MYBBP1A: variants seen among roughly 807,000 people sequenced by gnomAD.
The protein encoded by MYBBP1A is MYB binding protein 1a, also known as myb-binding protein 1A.
MYBBP1A carries 147 observed loss-of-function variants against 136.3 expected under a neutral mutation model. The ratio of observed to expected loss-of-function variants is 1.08; its 90% confidence interval spans 0.94 to 1.24. The LOEUF (loss-of-function observed/expected upper bound fraction) is 1.24. MYBBP1A is among the 50% of genes most tolerant of loss of function. MYBBP1A has a pLI of 0.00. For missense variants in MYBBP1A, 2,060 were observed against 1,727.4 expected (o/e 1.19, Z -3.41); for synonymous variants, 947 against 735.8 (o/e 1.29, Z -4.65).
At chr17:4,550,535 G>T (rs1466213499) in intron 8 of MYBBP1A, among the ~76,000 whole-genome samples, 182 bp from the exon 9 acceptor site, 1 of 152,274 alleles carries the variant, frequency 6.6e-6, no homozygotes, top group Non-Finnish European at 1.5e-5. Context: ...ATCTCCTGTT[G>T]TACACAGCTA....
At chr17:4,540,517 C>T (rs1459782803) in intron 24 of MYBBP1A, 33 bp from the exon 25 acceptor site, 2 of 1,578,526 alleles carry the variant, frequency 1.3e-6, no homozygotes, top group Non-Finnish European at 1.7e-6. Flanking sequence ...GCTGTGGGGC[C>T]ACAGAGGGCG....
Position 4,548,028 on chromosome 17 carries a change from G to GC in MYBBP1A, c.1753dup (p.Ala585GlyfsTer31). On this transcript the variant is annotated frameshift_variant, in exon 13 of 26. Transcript: ENST00000254718. LOFTEE classifies it high-confidence loss of function. The surrounding 1 kb of genome is among the most constrained non-coding windows in gnomAD (Gnocchi z 4.2). ...AGCAGCCCTGGCCTCTGCGGAGTGG[G>GC]CCTCCAGCTCCTTCAGAGTCTGCAG... 6.4e-7 allele frequency: 1 copy of GC among 1,553,996 alleles called. No individual in the cohort carries two copies. The highest frequency in any genetic ancestry group is 8.7e-7 in the Non-Finnish European group (1 of 1,149,440).
intron 24 of MYBBP1A, 97 bp downstream of exon 24, chr17:4,541,366 C>G: frequency 9.3e-7 from 1 of 1,079,000 alleles, no homozygotes. Context: ...TGACCCCCAT[C>G]CCTGCAGTCC....
intron 13 of MYBBP1A, among the ~76,000 whole-genome samples, chr17:4,547,131 G>A (rs939791285): frequency 6.6e-6 from 1 of 152,082 alleles, no homozygotes; most frequent in Non-Finnish European, 1.5e-5. Context: ...GGCTGGTCTT[G>A]AACTCCTGAC....
Position 4,548,385 on chromosome 17 carries a change from GC to G in MYBBP1A, c.1557-76del. ...GCCGCCTCCCTCCGCCCTCCCCAGG[GC>G]TCGGTCTCCCGCCTCTCCAGGACCT... On this transcript the variant is annotated intron_variant, in intron 11 of 25. Transcript: ENST00000254718. This position sits in a 1 kb window ranked among gnomAD's most constrained non-coding sequence, Gnocchi z 4.2. 2 of 1,601,884 alleles carry G rather than the reference GC, an allele frequency of 1.2e-6. No individual in the cohort carries two copies. Among genetic ancestry groups the G allele is most frequent in the Non-Finnish European group, 1.7e-6 (2 of 1,173,162 alleles).
chr17:4,540,310 C>A (rs1184954581), intron 25 of MYBBP1A, 38 bp downstream of exon 25: 13 of 1,567,730 alleles, frequency 8.3e-6, no homozygotes, highest in African/African-American at 1.3e-5. Context: ...GTGTTCCCAG[C>A]CCCTACCCAA....
At chr17:4,551,120 T>G (rs1486798282) in intron 8 of MYBBP1A, among the ~76,000 whole-genome samples, 2 of 152,252 alleles carry the variant, frequency 1.3e-5, no homozygotes, top group African/African-American at 4.8e-5. Context: ...TAACTGGGAC[T>G]ACAGGTGTGC....
Position 4,539,859 on chromosome 17 carries a change from G to C in MYBBP1A, c.3543C>G (p.Arg1181=), listed in dbSNP as rs1555539163. 1.2e-6 allele frequency: 2 copies of C among 1,606,916 alleles called. No homozygotes were observed. The highest frequency in any genetic ancestry group is 2.2e-5 in the South Asian group (2 of 91,064). ...TGCCATCCTCTGACTTGCGTTTCTT[G>C]CGCTTCTTCGTCTCTGGCAAGAATC... ...KKGFLPETKK[R]KKRKSEDGTP... is the part of the protein sequence containing the mutation. The change falls in exon 26 of 26, where the codon CGC becomes CGG. Residue 1181 remains arginine (R), a synonymous_variant. Transcript: ENST00000254718.
rs201359670 is a variant in MYBBP1A, at chr17:4,552,579, G to A, written c.609C>T (p.Ala203=). The change falls in exon 6 of 26, where the codon GCC becomes GCT. Residue 203 remains alanine, a synonymous_variant. Coordinates refer to ENST00000254718, the MANE Select transcript of MYBBP1A (RefSeq NM_014520.4). This position sits in a 1 kb window ranked among gnomAD's most constrained non-coding sequence, Gnocchi z 4.7. The part of the protein sequence containing the change: ...LQEILPEVLK[A]DLNIILSSPE... ...GGGAGCTGAGTATTATATTCAAGTC[G>A]GCTTTGAGGACCTCCGGCAGGATCT... 55 of 1,613,918 alleles carry A rather than the reference G, an allele frequency of 3.4e-5. No homozygotes were observed. The Admixed American group carries it at 6.5e-4, about 19-fold the overall frequency.
In MYBBP1A at chr17:4,553,813, G is replaced by C. The variant is rs201789450; in HGVS notation, c.558C>G (p.Ser186=). 1.2e-5 allele frequency: 19 copies of C among 1,613,672 alleles called. No individual in the cohort carries two copies. The highest frequency in any genetic ancestry group is 1.6e-5 in the Non-Finnish European group (19 of 1,179,894). ...CGCACAGCTGGGGAGCTCATACCTCGGAGAGGATGTCCACCAGGGCCTTCC... is the reference window on the plus strand; with the variant it reads ...CGCACAGCTGGGGAGCTCATACCTCCGAGAGGATGTCCACCAGGGCCTTCC... ...QPRKALVDIL[S]EVSKATLQEI... Residue 186 remains serine, a synonymous_variant, in exon 5 of 26, where the codon TCC becomes TCG. Transcript: ENST00000254718.
intron 13 of MYBBP1A, 172 bp downstream of exon 13, chr17:4,547,786 G>C: frequency 1.8e-6 from 1 of 552,488 alleles, no homozygotes; most frequent in Non-Finnish European, 3.1e-6. Flanking sequence ...GTGCCGCTAA[G>C]TGGCCGGAGG....
chr17:4,545,485 T>G, intron 15 of MYBBP1A, 125 bp downstream of exon 15: 1 of 1,490,584 alleles, frequency 6.7e-7, no homozygotes, highest in Non-Finnish European at 9.0e-7. Flanking sequence ...CAAGGCCTCG[T>G]TGAGACCCCT....
At chr17:4,549,745 C>T (rs973052202) in intron 9 of MYBBP1A, among the ~76,000 whole-genome samples, 5 of 145,508 alleles carry the variant, frequency 3.4e-5, no homozygotes, top group African/African-American at 1.3e-4. Flanking sequence ...GATCACACGC[C>T]ACTGCACTCC....
rs749799633 is a variant in MYBBP1A at position 4,553,863 on chromosome 17, G to C, written c.508C>G (p.Gln170Glu). Residue 170 changes from glutamine (Q) to glutamate (E), a missense_variant, in exon 5 of 26, where the codon CAA becomes GAA. Transcript: ENST00000254718. ...CGGGGCTGCTCCTGCAAGTGGTTTT[G>C]GTACTGGGCCAGGGCCTGCAGCAGC... The part of the protein sequence containing the change: ...VKLLQALAQY[Q>E]NHLQEQPRKA... 7 of 1,614,016 alleles carry C rather than the reference G, an allele frequency of 4.3e-6. No individual in the cohort carries two copies. The Admixed American group carries it at 1.2e-4, about 27-fold the overall frequency.
Position 4,545,934 on chromosome 17 carries a change from T to TGCAGGGGACTGCGG in MYBBP1A, c.1825-6_1832dup (p.Glu612ArgfsTer42). The TGCAGGGGACTGCGG allele has an allele frequency of 6.2e-7, 1 of 1,613,030 alleles. No individual in the cohort carries two copies. The highest frequency in any genetic ancestry group is 8.5e-7 in the Non-Finnish European group (1 of 1,179,874). ...TGTCACCCAGCAGGTCACAGCTCTC[T>TGCAGGGGACTGCGG]GCAGGGGACTGCGGGCAGGGTAGGA... On this transcript the variant is annotated frameshift_variant, in exon 14 of 26. Coordinates refer to ENST00000254718, the MANE Select transcript of MYBBP1A (RefSeq NM_014520.4). LOFTEE classifies it high-confidence loss of function.
At position 4,555,240 on chromosome 17, in the gene MYBBP1A, A is replaced by G. The variant is rs776445193; in HGVS notation, c.85T>C (p.Leu29=). ...TCCAAGAACTCGCGACTGTGCTTCAATAGGCCATAGCGGTCGGCAGGCCGG... is the reference window on the plus strand; with the variant it reads ...TCCAAGAACTCGCGACTGTGCTTCAGTAGGCCATAGCGGTCGGCAGGCCGG... ...GARPADRYGL[L]KHSREFLDFF... Residue 29 remains leucine (L), a synonymous_variant, in exon 1 of 26, where the codon TTG becomes CTG. Coordinates refer to ENST00000254718, the MANE Select transcript of MYBBP1A (RefSeq NM_014520.4). 5 of 1,612,364 alleles carry G rather than the reference A, an allele frequency of 3.1e-6. No individual in the cohort carries two copies. The African/African-American group carries it at 4.0e-5, about 13-fold the overall frequency.
Position 4,552,238 on chromosome 17 carries a change from C to T in MYBBP1A, c.792G>A (p.Leu264=). 3 of 1,614,202 alleles carry T rather than the reference C, an allele frequency of 1.9e-6. No homozygotes were observed. Among genetic ancestry groups the T allele is most frequent in the Non-Finnish European group, 2.5e-6 (3 of 1,180,044 alleles). Residue 264 remains leucine (L), a synonymous_variant, in exon 7 of 26, where the codon CTG becomes CTA. Coordinates refer to ENST00000254718, the MANE Select transcript of MYBBP1A (RefSeq NM_014520.4). The surrounding 1 kb of genome is among the most constrained non-coding windows in gnomAD (Gnocchi z 4.7). ...GGAGCAGGTCCAGAGCAATGGCGGGCAGCTTGCGGTCCTTCTTCACAGAGG... is the reference window on the plus strand; with the variant it reads ...GGAGCAGGTCCAGAGCAATGGCGGGTAGCTTGCGGTCCTTCTTCACAGAGG... ...AASSVKKDRK[L]PAIALDLLRL... is the part of the protein sequence containing the mutation.
chr17:4,548,757 C>T lies in MYBBP1A; in HGVS notation c.1431-108G>A, dbSNP rs888987693. 3.6e-5 allele frequency: 53 copies of T among 1,475,246 alleles called. No homozygotes were observed. The highest frequency in any genetic ancestry group is 3.1e-4 in the African/African-American group (22 of 71,834). The allele number at this position is 1,475,246 out of a possible 1,614,324, so 91.4% of individuals were successfully genotyped here. ...GTACAAGGCCAGGAGGAGGAGGAGCCGCCCTTCTGCCCTGGGTACAGTCCT... is the reference window on the plus strand; with the variant it reads ...GTACAAGGCCAGGAGGAGGAGGAGCTGCCCTTCTGCCCTGGGTACAGTCCT... On this transcript the variant is annotated intron_variant, in intron 10 of 25. Transcript: ENST00000254718. The surrounding 1 kb of genome is among the most constrained non-coding windows in gnomAD (Gnocchi z 4.2).
rs766898769 is a variant in MYBBP1A at position 4,542,994 on chromosome 17, G to T, written c.2811C>A (p.Asn937Lys). ...TCTCATGCACGCAGCCCTCAGCAGT[G>T]TTGCCCTTCAAGACCCGGAGCAGGT... ...SLYLLRVLKG[N>K]TAEGCVHETQ... The change falls in exon 20 of 26, where the codon AAC (asparagine) becomes AAA (lysine). Residue 937 changes from asparagine (N) to lysine (K), a missense_variant. Physicochemically the swap from Asn to Lys is moderately conservative, Grantham distance 94. Transcript: ENST00000254718. The T allele has an allele frequency of 4.3e-6, 7 of 1,614,066 alleles. No homozygotes were observed. Among genetic ancestry groups the T allele is most frequent in the Non-Finnish European group, 5.9e-6 (7 of 1,179,992 alleles).
Sources: allele counts gnomAD v4.1 joint callset (sites outside exome capture counted in the v4.1 genomes callset), GRCh38; gene constraint gnomAD v4.1.1; non-coding constraint Gnocchi (gnomAD v3.1); transcripts MANE v1.5; gene names NCBI Gene and HGNC (gene_info 2026-07-23, HGNC 2026-07-21).